SYNE1: variants seen among roughly 807,000 people sequenced by gnomAD.
SYNE1 encodes the protein nesprin-1.
Under a neutral mutation model 1,111.0 loss-of-function variants are expected in SYNE1, and 616 were observed. That is an observed-to-expected ratio of 0.55 (90% confidence interval 0.52 to 0.59). The LOEUF (loss-of-function observed/expected upper bound fraction) is 0.59. Ranked by LOEUF, SYNE1 falls within the 20% of genes least tolerant of loss-of-function variation. The pLI is 0.00. For synonymous variants in SYNE1, 3,855 were observed against 3,825.8 expected, an observed-to-expected ratio of 1.01 and a Z score of -0.28; for missense variants, 10,006 against 10,417.0, an observed-to-expected ratio of 0.96 and a Z score of 1.72.
intron 3 of SYNE1, among the ~76,000 whole-genome samples, chr6:152,622,075 G>A (rs149673159): frequency 6.6e-6 from 1 of 151,998 alleles, no homozygotes; most frequent in Non-Finnish European, 1.5e-5. Flanking sequence ...TAACTATAAT[G>A]TTCCAAAATA....
rs374078265 is a variant in SYNE1, at chr6:152,473,701, C to T, written c.1351-1288G>A. ...TGATGATGAGTATTCTAGCCATTCT[C>T]TACCTCCTTTACCACACACAGACAC... On this transcript the variant is annotated intron_variant, in intron 14 of 145. Transcript: ENST00000367255. Among the ~76,000 whole-genome samples, 228 of 152,206 alleles carry T rather than the reference C, an allele frequency of 1.5e-3. 1 individual carries two copies. Among genetic ancestry groups the T allele is most frequent in the African/African-American group, 5.3e-3 (218 of 41,474 alleles).
chr6:152,339,192 G>A (rs773946423), intron 75 of SYNE1, 49 bp downstream of exon 75: 5 of 1,605,914 alleles, frequency 3.1e-6, no homozygotes, highest in Non-Finnish European at 4.3e-6. Context: ...ATTCAAGCAA[G>A]AGAATATAAT....
At chr6:152,589,924 A>C (rs1398801547) in intron 3 of SYNE1, among the ~76,000 whole-genome samples, 1 of 136,076 alleles carries the variant, frequency 7.3e-6, no homozygotes, top group Non-Finnish European at 1.5e-5. Flanking sequence ...TTGTCCCTAA[A>C]CATTTCTTTT....
chr6:152,369,188 T>A lies in SYNE1; in HGVS notation c.9652-61A>T. 3 of 1,592,108 alleles carry A rather than the reference T, an allele frequency of 1.9e-6. No homozygotes were observed. In the South Asian group the frequency reaches 3.4e-5, roughly 18 times the overall value. On this transcript the variant is annotated intron_variant, in intron 60 of 145. Transcript: ENST00000367255. Reference sequence around the variant, plus strand: ...GGGAAAAGCACATCGCGGACGAAGCTTTGGCCCAGAGAACATGGAAATCAA... The same window carrying A: ...GGGAAAAGCACATCGCGGACGAAGCATTGGCCCAGAGAACATGGAAATCAA...
chr6:152,525,429 G>A (rs563696001), intron 5 of SYNE1, among the ~76,000 whole-genome samples: 1 of 152,224 alleles, frequency 6.6e-6, no homozygotes, highest in South Asian at 2.1e-4. Flanking sequence ...AATAATTTAT[G>A]TTTACAAACT....
At chr6:152,229,771 C>T (rs2153505730) in intron 115 of SYNE1, among the ~76,000 whole-genome samples, 1 of 152,118 alleles carries the variant, frequency 6.6e-6, no homozygotes, top group South Asian at 2.1e-4. Flanking sequence ...ATCTAACAAG[C>T]AAATGTAGCA....
intron 128 of SYNE1, among the ~76,000 whole-genome samples, chr6:152,184,867 T>C (rs1563300342): frequency 6.6e-6 from 1 of 152,086 alleles, no homozygotes; most frequent in Non-Finnish European, 1.5e-5. Flanking sequence ...TAGTATTTAG[T>C]CTATATACTA....
chr6:152,144,929 A>G (rs1479830474), intron 137 of SYNE1: 1 of 166,738 alleles, frequency 6.0e-6, no homozygotes, highest in African/African-American at 2.4e-5. Flanking sequence ...CGTGAAATAC[A>G]TTTTTCATTT....
intron 104 of SYNE1, among the ~76,000 whole-genome samples, chr6:152,253,813 GTTTGGTTTTTTTTTTTTTTTTTTTTT>G (rs549836398): frequency 0.079 from 2,615 of 33,164 alleles, 145 homozygotes; most frequent in African/African-American, 0.17. Context: ...ATGTGTAGTG[GTTTGGTTTTTTTTTTTTTTTTTTTTT>G]TTTTTTTTTT....
intron 101 of SYNE1, among the ~76,000 whole-genome samples, 173 bp from the exon 102 acceptor site, chr6:152,256,938 A>G (rs2090994731): frequency 6.6e-6 from 1 of 152,180 alleles, no homozygotes; most frequent in Admixed American, 6.5e-5. Flanking sequence ...GGCCAGATGC[A>G]TCAATGGCAA....
chr6:152,122,746 C>T, intron 145 of SYNE1, 70 bp from the exon 146 acceptor site: 1 of 1,605,352 alleles, frequency 6.2e-7, no homozygotes. Context: ...TTTGCCTCTG[C>T]ACCTTCCTGG....
chr6:152,470,263 A>G (rs1453995841), intron 16 of SYNE1, among the ~76,000 whole-genome samples: 1 of 152,196 alleles, frequency 6.6e-6, no homozygotes, highest in Admixed American at 6.5e-5. Context: ...ACCTGGTGGA[A>G]TAGTCTTATT....
chr6:152,226,937 T>G (rs1230884982), intron 115 of SYNE1, among the ~76,000 whole-genome samples: 1 of 152,166 alleles, frequency 6.6e-6, no homozygotes, highest in Non-Finnish European at 1.5e-5. Context: ...AAAAGCAGAT[T>G]TGTAGTTCTT....
intron 63 of SYNE1, 94 bp from the exon 64 acceptor site, chr6:152,362,417 G>T: frequency 6.5e-7 from 1 of 1,535,832 alleles, no homozygotes. Context: ...CAGTAAGCAA[G>T]GGGTCAAGAG....
chr6:152,161,793 G>A (rs1326000102), intron 131 of SYNE1, among the ~76,000 whole-genome samples: 3 of 152,076 alleles, frequency 2.0e-5, no homozygotes, highest in African/African-American at 7.2e-5. Context: ...CCTTTTCTGG[G>A]TTACCTTAAG....
intron 126 of SYNE1, among the ~76,000 whole-genome samples, chr6:152,204,903 AT>A (rs1229677587): frequency 2.0e-5 from 3 of 152,210 alleles, no homozygotes; most frequent in African/African-American, 7.2e-5. Flanking sequence ...ATTTAAAAAA[AT>A]ATATGATTAA....
At chr6:152,619,888 G>C (rs924945029) in intron 3 of SYNE1, among the ~76,000 whole-genome samples, 13 of 152,080 alleles carry the variant, frequency 8.5e-5, no homozygotes, top group Non-Finnish European at 1.6e-4. Context: ...GTCTAAATGG[G>C]CTCTACATAA....
intron 121 of SYNE1, 126 bp downstream of exon 121, chr6:152,218,131 G>A (rs2079197832): frequency 9.2e-7 from 1 of 1,083,998 alleles, no homozygotes; most frequent in Non-Finnish European, 1.4e-6. Context: ...AGCAGAGGTT[G>A]CAGTGAGCCG....
chr6:152,399,353 A>G (rs2097778627), intron 48 of SYNE1, among the ~76,000 whole-genome samples: 1 of 152,236 alleles, frequency 6.6e-6, no homozygotes, highest in South Asian at 2.1e-4. Flanking sequence ...AGCTATATAT[A>G]GAAAATGCAG....
Sources: gnomAD v4.1 joint callset for allele counts (sites outside exome capture counted in the v4.1 genomes callset) on GRCh38, gnomAD v4.1.1 for gene constraint, MANE v1.5 for transcripts, NCBI Gene and HGNC (gene_info 2026-07-23, HGNC 2026-07-21) for gene names.